The following FNDC3A variants were observed in gnomAD, a reference collection of about 807,000 sequenced individuals.
FNDC3A encodes fibronectin type III domain containing 3A, also known as fibronectin type-III domain-containing protein 3A.
In FNDC3A, 32 loss-of-function variants were observed where a neutral mutation model predicts 148.9. The ratio of observed to expected loss-of-function variants is 0.21; its 90% CI spans 0.16 to 0.29. The LOEUF (loss-of-function observed/expected upper bound fraction) is 0.29. Among genes scored for constraint, FNDC3A ranks in the 10% least tolerant of loss-of-function variants. The pLI is 1.00. For missense variants in FNDC3A, 1,191 were observed against 1,452.8 expected, an observed-to-expected ratio of 0.82 and a Z score of 2.93; for synonymous variants, 472 against 473.6, an observed-to-expected ratio of 1.00 and a Z score of 0.04.
chr13:49,062,781 C>G (rs1876987494), intron 2 of FNDC3A, among the ~76,000 whole-genome samples: 1 of 152,160 alleles, frequency 6.6e-6, no homozygotes. Context: ...CTGTTTTCTT[C>G]CTAGACTGGG....
rs9591231 is a variant in FNDC3A at position 49,012,630 on chromosome 13, A to G, written c.99+6341A>G. Among the ~76,000 whole-genome samples the G allele has an allele frequency of 4.7e-3, 709 of 152,272 alleles. 8 individuals are homozygous for G. The highest frequency in any genetic ancestry group is 0.016 in the African/African-American group (652 of 41,544). On this transcript the variant is annotated intron_variant, in intron 2 of 25. Transcript: ENST00000492622. ...TTGAATCTATAGATTGATTGAGGGA[A>G]GAATTGGTGGCATCTTTACAATATT...
chr13:49,036,447 G>T (rs1374134931), intron 2 of FNDC3A, among the ~76,000 whole-genome samples: 1 of 152,208 alleles, frequency 6.6e-6, no homozygotes, highest in Non-Finnish European at 1.5e-5. Flanking sequence ...AGAGAGTTCT[G>T]TCAGACAGCA....
At chr13:49,102,557 T>A (rs564186700) in intron 3 of FNDC3A, among the ~76,000 whole-genome samples, 133 of 152,282 alleles carry the variant, frequency 8.7e-4, no homozygotes, top group Middle Eastern at 3.4e-3. Flanking sequence ...CTTACTATTC[T>A]CCCATTTGCC....
chr13:49,053,133 G>C (rs899732068), intron 2 of FNDC3A, among the ~76,000 whole-genome samples: 8 of 152,182 alleles, frequency 5.3e-5, no homozygotes, highest in Admixed American at 5.2e-4. Flanking sequence ...CTGAGTACTT[G>C]CCCCAGATCA....
intron 2 of FNDC3A, among the ~76,000 whole-genome samples, chr13:49,009,055 G>A (rs1165124157): frequency 6.6e-6 from 1 of 151,918 alleles, no homozygotes; most frequent in Non-Finnish European, 1.5e-5. Flanking sequence ...TTAACAGATG[G>A]GTAATGTCAT....
At chr13:49,087,232 T>C (rs1331373985) in intron 3 of FNDC3A, among the ~76,000 whole-genome samples, 1 of 152,124 alleles carries the variant, frequency 6.6e-6, no homozygotes, top group Non-Finnish European at 1.5e-5. Flanking sequence ...AAAAATTTTT[T>C]AATGACTGAT....
At position 48,986,382 on chromosome 13, in the gene FNDC3A, GTTGT is replaced by G. The variant is rs1467854124; in HGVS notation, c.-40+10208_-40+10211del. On this transcript the variant is annotated intron_variant, in intron 1 of 25. Transcript: ENST00000492622. Reference sequence around the variant, plus strand: ...AGGAAGACAGAGTAAGGAGAAGGAAGTTGTTTTTTTTTTTTTTTTTTTTTTTTTT... The same window carrying G: ...AGGAAGACAGAGTAAGGAGAAGGAAGTTTTTTTTTTTTTTTTTTTTTTTTT... 1.6e-3 allele frequency among the ~76,000 whole-genome samples: 99 copies of G among 62,000 alleles called. 1 individual carries two copies. The highest frequency in any genetic ancestry group is 5.5e-3 in the African/African-American group (96 of 17,320). The allele number at this position is 62,000 out of a possible 152,430, so 40.7% of individuals were successfully genotyped here. A position where few individuals can be genotyped will look rare whatever the true frequency, so the allele number is the denominator to read the frequency against.
At chr13:49,115,814 C>G (rs868064184) in intron 4 of FNDC3A, among the ~76,000 whole-genome samples, 1 of 152,186 alleles carries the variant, frequency 6.6e-6, no homozygotes, top group Non-Finnish European at 1.5e-5. Flanking sequence ...TATTACTCTA[C>G]TAAAACTGCT....
chr13:49,011,331 T>C (rs1048538045), intron 2 of FNDC3A, among the ~76,000 whole-genome samples: 1 of 152,022 alleles, frequency 6.6e-6, no homozygotes, highest in Admixed American at 6.5e-5. Flanking sequence ...CCTCCCAGGT[T>C]CAAGTGATTC....
intron 6 of FNDC3A, among the ~76,000 whole-genome samples, chr13:49,137,963 C>T (rs1445258442): frequency 6.6e-6 from 1 of 152,180 alleles, no homozygotes; most frequent in Non-Finnish European, 1.5e-5. Flanking sequence ...CATGTCATTT[C>T]ACAAGCACCA....
intron 1 of FNDC3A, among the ~76,000 whole-genome samples, chr13:48,989,894 G>A (rs952237366): frequency 2.0e-5 from 3 of 151,972 alleles, no homozygotes; most frequent in African/African-American, 4.8e-5. Flanking sequence ...TGGGATTACA[G>A]GTGCATGCCA....
intron 14 of FNDC3A, among the ~76,000 whole-genome samples, chr13:49,179,028 C>T (rs1474915477): frequency 6.6e-6 from 1 of 152,154 alleles, no homozygotes; most frequent in Non-Finnish European, 1.5e-5. Flanking sequence ...CACCCAACCT[C>T]TATTCTTACT....
chr13:48,976,324 C>G (rs1257766491), intron 1 of FNDC3A, 147 bp downstream of exon 1: 1 of 152,680 alleles, frequency 6.5e-6, no homozygotes, highest in African/African-American at 2.4e-5. Flanking sequence ...TCGAGGGGCG[C>G]GGACCACCCC....
intron 2 of FNDC3A, among the ~76,000 whole-genome samples, chr13:49,048,930 C>T (rs1054199848): frequency 6.6e-6 from 1 of 152,040 alleles, no homozygotes; most frequent in Non-Finnish European, 1.5e-5. Context: ...TTTTCTTGTT[C>T]AGTATAATGT....
intron 3 of FNDC3A, among the ~76,000 whole-genome samples, chr13:49,085,280 C>T (rs1315667816): frequency 6.6e-6 from 1 of 152,236 alleles, no homozygotes; most frequent in African/African-American, 2.4e-5. Context: ...CCATTAATCA[C>T]AACTCTGTTA....
intron 3 of FNDC3A, among the ~76,000 whole-genome samples, chr13:49,097,315 T>TAA (rs750545896): frequency 2.1e-5 from 3 of 140,960 alleles, no homozygotes; most frequent in African/African-American, 2.6e-5. Context: ...GATTAGCAGT[T>TAA]AAAAAAAAAA....
chr13:49,096,012 C>G (rs1229544280), intron 3 of FNDC3A, among the ~76,000 whole-genome samples: 53 of 151,994 alleles, frequency 3.5e-4, no homozygotes, highest in Admixed American at 3.5e-3. Context: ...AAAAATCATT[C>G]TCCTCCAACT....
intron 14 of FNDC3A, among the ~76,000 whole-genome samples, chr13:49,183,289 C>T (rs1322738079): frequency 6.6e-6 from 1 of 152,198 alleles, no homozygotes; most frequent in East Asian, 1.9e-4. Context: ...TTTTCAAAGC[C>T]TTCCTAAACC....
Position 49,198,569 on chromosome 13 carries a change from T to A in FNDC3A, c.2982T>A (p.Asn994Lys). 1 of 1,611,352 alleles carries A rather than the reference T, an allele frequency of 6.2e-7. No homozygotes were observed. Among genetic ancestry groups the A allele is most frequent in the East Asian group, 2.2e-5 (1 of 44,874 alleles). The change falls in exon 23 of 26, where the codon AAT (asparagine) becomes AAA (lysine). Residue 994 changes from asparagine (N) to lysine (K), a missense_variant. This residue lies in a region of FNDC3A where 751 missense variants were observed against 944.0 expected (regional missense o/e 0.80). Transcript: ENST00000492622. ...ACCACCTTCAGATGGAGGATAAGAA[T>A]GGACGGTAGGTTTTTTTAATTGCTT... ...IQYHLQMEDKNGRFVSLYRGP... is the reference protein window; with the variant it reads ...IQYHLQMEDKKGRFVSLYRGP...
Sources: allele counts gnomAD v4.1 joint callset (sites outside exome capture counted in the v4.1 genomes callset), GRCh38; gene constraint gnomAD v4.1.1; regional missense constraint gnomAD v4.1.1; transcripts MANE v1.5; gene names NCBI Gene and HGNC (gene_info 2026-07-23, HGNC 2026-07-21).